The following MBOAT1 variants were observed in gnomAD, a reference collection of about 807,000 sequenced individuals.
The protein encoded by MBOAT1 is membrane bound glycerophospholipid O-acyltransferase 1, also known as membrane-bound glycerophospholipid O-acyltransferase 1.
In MBOAT1, 67 loss-of-function variants were observed where a neutral mutation model predicts 64.4. The ratio of observed to expected loss-of-function variants is 1.04; its 90% CI spans 0.85 to 1.27. The LOEUF (loss-of-function observed/expected upper bound fraction) is 1.27, where lower values mean the gene tolerates loss of function less well. Among genes scored for constraint, MBOAT1 ranks in the 50% most tolerant of loss-of-function variants. The pLI, the probability that MBOAT1 is intolerant of heterozygous loss-of-function variation, is 0.00. For synonymous variants in MBOAT1, 229 were observed against 218.9 expected (o/e 1.05, Z -0.41); for missense variants, 563 against 604.6 (o/e 0.93, Z 0.72).
At chr6:20,174,363 G>T (rs1359730533) in intron 1 of MBOAT1, among the ~76,000 whole-genome samples, 1 of 152,198 alleles carries the variant, frequency 6.6e-6, no homozygotes, top group Non-Finnish European at 1.5e-5. Flanking sequence ...TAGGCTAGAT[G>T]ATATAGCCTA....
intron 6 of MBOAT1, among the ~76,000 whole-genome samples, chr6:20,127,022 A>C (rs1403615484): frequency 6.6e-6 from 1 of 152,212 alleles, no homozygotes; most frequent in Non-Finnish European, 1.5e-5. Flanking sequence ...TCTACAGGAC[A>C]AAACGAAGGT....
At chr6:20,201,423 G>A (rs2113770669) in intron 1 of MBOAT1, among the ~76,000 whole-genome samples, 3 of 152,278 alleles carry the variant, frequency 2.0e-5, no homozygotes, top group Middle Eastern at 3.4e-3. Context: ...CTGGGCATAT[G>A]TAGACACAGA....
chr6:20,184,921 T>C (rs942376687), intron 1 of MBOAT1, among the ~76,000 whole-genome samples: 1 of 83,012 alleles, frequency 1.2e-5, no homozygotes, highest in Non-Finnish European at 3.2e-5. Context: ...GTATTTTAGC[T>C]AAATTTGAGT....
At position 20,109,623 on chromosome 6, in the gene MBOAT1, C is replaced by T. The variant is rs749843492; in HGVS notation, c.1336G>A (p.Val446Ile). The T allele has an allele frequency of 5.6e-6, 9 of 1,613,668 alleles. No individual in the cohort carries two copies. In the South Asian group the frequency reaches 8.8e-5, roughly 16 times the overall value. ...YTVAPFVMLAVEPTISLYKSM... is the reference protein window; with the variant it reads ...YTVAPFVMLAIEPTISLYKSM... ...TTGTATAAGCTGATGGTCGGTTCAA[C>T]TGCCAACATCACAAAGGGTGCTACC... Residue 446 changes from valine to isoleucine, a missense_variant, in exon 12 of 13, where the codon GTT becomes ATT. Val to Ile is a conservative substitution (Grantham distance 29). Coordinates refer to ENST00000324607, the MANE Select transcript of MBOAT1 (RefSeq NM_001080480.3).
chr6:20,180,311 C>G (rs146628970), intron 1 of MBOAT1, among the ~76,000 whole-genome samples: 1 of 152,104 alleles, frequency 6.6e-6, no homozygotes, highest in Non-Finnish European at 1.5e-5. Flanking sequence ...TTCAACAAAC[C>G]CTGATAGCTC....
In MBOAT1 at chr6:20,101,483, G is replaced by A. The variant is rs1759784617; in HGVS notation, c.*803C>T. On this transcript the variant is annotated 3_prime_UTR_variant, in exon 13 of 13. Coordinates refer to ENST00000324607, the MANE Select transcript of MBOAT1 (RefSeq NM_001080480.3). ...TCCCTCTGCCTCCATGGTCCTCTGA[G>A]TGTAGTTATTATGTCTGCAAACCAG... 6.6e-6 allele frequency among the ~76,000 whole-genome samples: 1 copy of A among 152,218 alleles called. No homozygotes were observed. Among genetic ancestry groups the A allele is most frequent in the Admixed American group, 6.5e-5 (1 of 15,276 alleles).
intron 1 of MBOAT1, among the ~76,000 whole-genome samples, chr6:20,181,064 GA>G (rs775118848): frequency 1.3e-5 from 2 of 152,224 alleles, no homozygotes; most frequent in African/African-American, 2.4e-5. Context: ...GTTAAAAATA[GA>G]AACAGGATGA....
intron 1 of MBOAT1, among the ~76,000 whole-genome samples, chr6:20,159,665 T>C (rs1349585327): frequency 6.6e-6 from 1 of 152,144 alleles, no homozygotes; most frequent in African/African-American, 2.4e-5. Context: ...GATCAATGGG[T>C]ACAAAGTTAC....
intron 4 of MBOAT1, 115 bp downstream of exon 4, chr6:20,144,105 C>T: frequency 1.5e-6 from 1 of 684,814 alleles, no homozygotes; most frequent in Non-Finnish European, 2.6e-6. Flanking sequence ...AGTGTCTTAC[C>T]AACTGATTTA....
intron 1 of MBOAT1, among the ~76,000 whole-genome samples, chr6:20,193,399 G>T (rs942220218): frequency 6.6e-6 from 1 of 152,124 alleles, no homozygotes; most frequent in Non-Finnish European, 1.5e-5. Flanking sequence ...ACTGAATCCG[G>T]TACCTGAGAG....
intron 1 of MBOAT1, among the ~76,000 whole-genome samples, chr6:20,207,491 C>T (rs1385572561): frequency 5.9e-5 from 9 of 152,094 alleles, no homozygotes; most frequent in East Asian, 1.9e-4. Flanking sequence ...TCAGGAGATA[C>T]GATTATCATG....
chr6:20,134,054 A>G (rs954347940), intron 4 of MBOAT1, among the ~76,000 whole-genome samples: 7 of 152,250 alleles, frequency 4.6e-5, no homozygotes, highest in Non-Finnish European at 1.0e-4. Context: ...AAACTGTCTT[A>G]GAACTGCACT....
intron 3 of MBOAT1, among the ~76,000 whole-genome samples, chr6:20,149,316 T>G (rs1761422878): frequency 6.6e-6 from 1 of 152,022 alleles, no homozygotes; most frequent in Admixed American, 6.5e-5. Context: ...ATGAAACAAG[T>G]GTGCGTGTCA....
At chr6:20,109,441 C>A (rs1760055931) in intron 12 of MBOAT1, among the ~76,000 whole-genome samples, 157 bp downstream of exon 12, 1 of 152,186 alleles carries the variant, frequency 6.6e-6, no homozygotes, top group Non-Finnish European at 1.5e-5. Context: ...GTCTCCAGGA[C>A]AGCCACTTCC....
chr6:20,203,137 C>A lies in MBOAT1; in HGVS notation c.99+8999G>T, dbSNP rs572857857. Among the ~76,000 whole-genome samples, 15 of 152,054 alleles carry A rather than the reference C, an allele frequency of 9.9e-5. No individual in the cohort carries two copies. The South Asian group carries it at 3.1e-3, about 32-fold the overall frequency. ...TGGGCAACACAGTGAGACCCTGTCT[C>A]AATAAAAAATAAAAATAAAATAATA... On this transcript the variant is annotated intron_variant, in intron 1 of 12. Coordinates refer to ENST00000324607, the MANE Select transcript of MBOAT1 (RefSeq NM_001080480.3).
rs558723185 is a variant in MBOAT1 at position 20,150,709 on chromosome 6, G to T, written c.323+476C>A. On this transcript the variant is annotated intron_variant, in intron 3 of 12. Coordinates refer to ENST00000324607, the MANE Select transcript of MBOAT1 (RefSeq NM_001080480.3). ...TCCCTGAGTAGCTGGGACTATAGGT[G>T]CGCACCACTACGCCCAGCTAATTTT... is the stretch of plus-strand genomic sequence containing the variant. Among the ~76,000 whole-genome samples the T allele has an allele frequency of 2.7e-5, 4 of 149,860 alleles. No homozygotes were observed. In the East Asian group the frequency reaches 7.8e-4, roughly 29 times the overall value.
intron 3 of MBOAT1, among the ~76,000 whole-genome samples, chr6:20,145,231 C>G (rs1761296335): frequency 5.1e-5 from 2 of 39,560 alleles, no homozygotes; most frequent in African/African-American, 1.0e-4. Flanking sequence ...CCAGAGAGCA[C>G]TCACTTTGTG....
chr6:20,116,676 TC>T (rs1760328905), intron 9 of MBOAT1, among the ~76,000 whole-genome samples: 2 of 152,242 alleles, frequency 1.3e-5, no homozygotes, highest in South Asian at 2.1e-4. Context: ...CAATCAGACT[TC>T]CTTGTTTTTC....
At chr6:20,102,436 T>A (rs1282477303) in intron 12 of MBOAT1, 24 bp from the exon 13 acceptor site, 3 of 1,571,718 alleles carry the variant, frequency 1.9e-6, no homozygotes, top group Admixed American at 1.7e-5. Flanking sequence ...TATACAAAAA[T>A]TATATTTCAA....
Sources: allele counts gnomAD v4.1 joint callset (sites outside exome capture counted in the v4.1 genomes callset), GRCh38; gene constraint gnomAD v4.1.1; transcripts MANE v1.5; gene names NCBI Gene and HGNC (gene_info 2026-07-23, HGNC 2026-07-21).